Variants in KCNH8 observed in about 807,000 individuals in gnomAD.
KCNH8 encodes the protein voltage-gated delayed rectifier potassium channel KCNH8.
In KCNH8, 70 loss-of-function variants were observed where a neutral mutation model predicts 103.6. That is an observed-to-expected ratio of 0.68 (90% CI 0.56 to 0.82). KCNH8 has a LOEUF of 0.82. KCNH8 is among the 40% of genes least tolerant of loss of function. The pLI is 0.00. For synonymous variants in KCNH8, 498 were observed against 489.4 expected (o/e 1.02, Z -0.23); for missense variants, 1,217 against 1,329.9 (o/e 0.92, Z 1.32).
At chr3:19,495,028 C>A (rs1454412558) in intron 11 of KCNH8, among the ~76,000 whole-genome samples, 4 of 152,004 alleles carry the variant, frequency 2.6e-5, no homozygotes, top group African/African-American at 7.3e-5. Context: ...TATCCTTTGC[C>A]CACTTTTTTA....
At position 19,533,466 on chromosome 3, in the gene KCNH8, C is replaced by T. The variant is rs751554750; in HGVS notation, c.2691C>T (p.Asn897=). The part of the protein sequence containing the change: ...DMRNVIQLLE[N]VLSPQQPSRF... The stretch of plus-strand genomic sequence containing the variant: ...GAAATGTGATCCAGCTTCTGGAAAA[C>T]GTTCTGTCACCTCAGCAGCCATCAC... Residue 897 remains asparagine (N), a synonymous_variant, in exon 16 of 16, where the codon AAC becomes AAT. Transcript: ENST00000328405. 1.7e-5 allele frequency: 27 copies of T among 1,614,012 alleles called. No individual in the cohort carries two copies. The highest frequency in any genetic ancestry group is 6.7e-5 in the East Asian group (3 of 44,860).
At chr3:19,169,513 C>A (rs762198052) in intron 1 of KCNH8, among the ~76,000 whole-genome samples, 1 of 151,952 alleles carries the variant, frequency 6.6e-6, no homozygotes, top group Non-Finnish European at 1.5e-5. Context: ...CCCAAAGTGC[C>A]GGGATTACAG....
chr3:19,413,444 C>T (rs568014979), intron 7 of KCNH8, among the ~76,000 whole-genome samples: 4 of 152,058 alleles, frequency 2.6e-5, no homozygotes, highest in South Asian at 2.1e-4. Context: ...ATGCTCACTA[C>T]GTGGGTGATG....
intron 1 of KCNH8, among the ~76,000 whole-genome samples, chr3:19,228,101 C>T (rs2063952638): frequency 6.6e-6 from 1 of 152,086 alleles, no homozygotes; most frequent in African/African-American, 2.4e-5. Context: ...CAGTATGACT[C>T]TAGGGCAGTA....
At chr3:19,206,485 A>T (rs1196904081) in intron 1 of KCNH8, among the ~76,000 whole-genome samples, 1 of 151,858 alleles carries the variant, frequency 6.6e-6, no homozygotes, top group East Asian at 1.9e-4. Flanking sequence ...AGGAAGCTTG[A>T]AAGACAATTA....
chr3:19,401,637 A>C (rs1008574441), intron 7 of KCNH8, among the ~76,000 whole-genome samples: 6 of 152,018 alleles, frequency 3.9e-5, no homozygotes, highest in African/African-American at 1.2e-4. Flanking sequence ...TTTTGTCGTA[A>C]GGAGCAAATG....
intron 5 of KCNH8, among the ~76,000 whole-genome samples, chr3:19,377,464 T>C (rs761687793): frequency 5.9e-5 from 9 of 152,228 alleles, no homozygotes; most frequent in Non-Finnish European, 8.8e-5. Context: ...GGACAATTTC[T>C]TTTTATCCAA....
At chr3:19,392,339 A>G (rs922637681) in intron 6 of KCNH8, among the ~76,000 whole-genome samples, 8 of 150,984 alleles carry the variant, frequency 5.3e-5, no homozygotes, top group Admixed American at 1.3e-4. Context: ...AAAAAAGAAA[A>G]GAAAAAGGGG....
At chr3:19,228,786 A>G (rs2063961046) in intron 1 of KCNH8, among the ~76,000 whole-genome samples, 1 of 152,274 alleles carries the variant, frequency 6.6e-6, no homozygotes, top group Non-Finnish European at 1.5e-5. Flanking sequence ...ATAAAGCTAC[A>G]TGCTTAATGG....
At chr3:19,282,258 G>A (rs1170014075) in intron 3 of KCNH8, among the ~76,000 whole-genome samples, 1 of 152,082 alleles carries the variant, frequency 6.6e-6, no homozygotes, top group Non-Finnish European at 1.5e-5. Context: ...CCTTGCAAAT[G>A]CATGTCTGTT....
At chr3:19,527,421 C>T (rs1010721292) in intron 15 of KCNH8, among the ~76,000 whole-genome samples, 4 of 152,030 alleles carry the variant, frequency 2.6e-5, no homozygotes, top group African/African-American at 4.8e-5. Context: ...AATTGAGCCA[C>T]CTGGAATTCT....
At chr3:19,341,295 A>C (rs2034008) in intron 3 of KCNH8, among the ~76,000 whole-genome samples, 7,886 of 152,142 alleles carry the variant, frequency 0.052, 314 homozygotes, top group East Asian at 0.12. Context: ...TCAACGCCTA[A>C]GATCACCAGC....
intron 3 of KCNH8, among the ~76,000 whole-genome samples, chr3:19,337,386 AATC>A (rs1188874708): frequency 3.3e-5 from 5 of 152,040 alleles, no homozygotes; most frequent in African/African-American, 4.8e-5. Context: ...AGTGGAGTCT[AATC>A]ATAACTTTAA....
At chr3:19,245,792 T>C (rs2064196957) in intron 1 of KCNH8, among the ~76,000 whole-genome samples, 5 of 152,236 alleles carry the variant, frequency 3.3e-5, no homozygotes, top group Admixed American at 3.3e-4. Context: ...ATCTATTTTG[T>C]ATCCAGAAAC....
At chr3:19,187,192 A>G (rs1183867078) in intron 1 of KCNH8, among the ~76,000 whole-genome samples, 1 of 152,008 alleles carries the variant, frequency 6.6e-6, no homozygotes, top group Non-Finnish European at 1.5e-5. Flanking sequence ...ACATTTAACC[A>G]ATAGAGAATA....
chr3:19,356,174 C>A (rs1006591710), intron 5 of KCNH8, among the ~76,000 whole-genome samples: 1 of 151,838 alleles, frequency 6.6e-6, no homozygotes, highest in African/African-American at 2.4e-5. Flanking sequence ...GAAGAAAGGA[C>A]CCACAGTCAA....
At chr3:19,255,174 A>G (rs1352967403) in intron 2 of KCNH8, among the ~76,000 whole-genome samples, 4 of 152,182 alleles carry the variant, frequency 2.6e-5, no homozygotes, top group Non-Finnish European at 5.9e-5. Context: ...AGCTGTCTGC[A>G]AGTCAAGAAG....
chr3:19,244,650 A>G (rs984050322), intron 1 of KCNH8, among the ~76,000 whole-genome samples: 2 of 152,134 alleles, frequency 1.3e-5, no homozygotes, highest in Non-Finnish European at 2.9e-5. Context: ...TGACTTTTTA[A>G]TAATAGCCAT....
In KCNH8 at chr3:19,391,583, A is replaced by G. The variant is rs544906341; in HGVS notation, c.969+945A>G. 9 of 152,214 alleles carry G rather than the reference A, an allele frequency of 5.9e-5. No individual in the cohort carries two copies. In the South Asian group the frequency reaches 1.9e-3, roughly 32 times the overall value. 9.4% of individuals were successfully genotyped at this position (152,214 alleles called of 1,614,324 possible). On this transcript the variant is annotated intron_variant, in intron 6 of 15. Transcript: ENST00000328405. ...AATCACAGTTTCAAATACAATTATC[A>G]TTAACTTCAGAATGAATATGGAATT...
Sources: gnomAD v4.1 joint callset for allele counts (sites outside exome capture counted in the v4.1 genomes callset) on GRCh38, gnomAD v4.1.1 for gene constraint, MANE v1.5 for transcripts, NCBI Gene and HGNC (gene_info 2026-07-23, HGNC 2026-07-21) for gene names.